Variants in SNCB observed in about 807,000 individuals in gnomAD.
The protein encoded by SNCB is beta-synuclein.
In SNCB, 8 loss-of-function variants were observed where a neutral mutation model predicts 20.0. The observed-to-expected ratio is 0.40, with a 90% CI of 0.24 to 0.72. The LOEUF is 0.72. Among genes scored for constraint, SNCB ranks in the 30% least tolerant of loss-of-function variants. The pLI, the probability that SNCB is intolerant of heterozygous loss-of-function variation, is 0.37. For synonymous variants in SNCB, 56 were observed against 65.4 expected (o/e 0.86, Z 0.69); for missense variants, 125 against 168.0 (o/e 0.74, Z 1.41).
rs1157487118 is a variant in SNCB at position 176,629,510 on chromosome 5, C to A, written c.121+24G>T. ...TCGGGGGACCCCCAGCCCTGCAGCC[C>A]CAGAAACCCCGCCCCTTACCCACCG... On this transcript the variant is annotated intron_variant, in intron 2 of 5. Transcript: ENST00000393693. This position sits in a 1 kb window ranked among gnomAD's most constrained non-coding sequence, Gnocchi z 4.1. 6.2e-7 allele frequency: 1 copy of A among 1,611,360 alleles called. No homozygotes were observed. Among genetic ancestry groups the A allele is most frequent in the South Asian group, 1.1e-5 (1 of 90,766 alleles).
chr5:176,621,865 G>A lies in SNCB; in HGVS notation c.283-562C>T, dbSNP rs989817668. On this transcript the variant is annotated intron_variant, in intron 4 of 5. Transcript: ENST00000393693. This position sits in a 1 kb window ranked among gnomAD's most constrained non-coding sequence, Gnocchi z 4.1. Reference sequence around the variant, plus strand: ...TGAGCTAAGACTCTCCCCCCCACCCGCTGCGTCTGCTGCCCAGACAGGCGC... The same window carrying A: ...TGAGCTAAGACTCTCCCCCCCACCCACTGCGTCTGCTGCCCAGACAGGCGC... Among the ~76,000 whole-genome samples, 3 of 152,010 alleles carry A rather than the reference G, an allele frequency of 2.0e-5. No homozygotes were observed. The highest frequency in any genetic ancestry group is 7.2e-5 in the African/African-American group (3 of 41,432).
chr5:176,622,167 G>T (rs1759643513), intron 4 of SNCB, among the ~76,000 whole-genome samples: 1 of 152,220 alleles, frequency 6.6e-6, no homozygotes, highest in Admixed American at 6.5e-5. Context: ...CACATTACCT[G>T]TCTAAGTGGG....
In SNCB at chr5:176,626,652, C is replaced by T. The variant is rs553224124; in HGVS notation, c.163+68G>A. 7.9e-5 allele frequency: 126 copies of T among 1,585,244 alleles called. No individual in the cohort carries two copies. In the African/African-American group the frequency reaches 1.3e-3, roughly 17 times the overall value. On this transcript the variant is annotated intron_variant, in intron 3 of 5. Transcript: ENST00000393693. The surrounding 1 kb of genome is among the most constrained non-coding windows in gnomAD (Gnocchi z 4.2). ...GCCTTGGGAGTCTCCCCCGCCCCCG[C>T]CCTCTGGTTCCCGGCCAGATCATCC...
At chr5:176,622,680 G>A (rs2113380680) in intron 4 of SNCB, among the ~76,000 whole-genome samples, 1 of 150,258 alleles carries the variant, frequency 6.7e-6, no homozygotes, top group South Asian at 2.1e-4. Flanking sequence ...CAAGCTTCCT[G>A]ATGAATGGAG....
Position 176,629,575 on chromosome 5 carries a change from G to T in SNCB, c.80C>A (p.Thr27Asn). Residue 27 changes from threonine (T) to asparagine (N), a missense_variant, in exon 2 of 6, where the codon ACC becomes AAC. Physicochemically the swap from Thr to Asn is moderately conservative, Grantham distance 65. Transcript: ENST00000393693. This position sits in a 1 kb window ranked among gnomAD's most constrained non-coding sequence, Gnocchi z 4.1. ...CTCCTTGGTCTTCTCCGCCGCCTCG[G>T]TGACCCCCTGCTTGGTTTTCTCCGC... Reference protein sequence around the residue: ...AAAEKTKQGVTEAAEKTKEGV... With the variant: ...AAAEKTKQGVNEAAEKTKEGV... 1 of 1,613,540 alleles carries T rather than the reference G, an allele frequency of 6.2e-7. No homozygotes were observed. Among genetic ancestry groups the T allele is most frequent in the Non-Finnish European group, 8.5e-7 (1 of 1,179,784 alleles).
Position 176,620,794 on chromosome 5 carries a change from G to A in SNCB, c.*17C>T. 3 of 1,608,448 alleles carry A rather than the reference G, an allele frequency of 1.9e-6. No homozygotes were observed. Among genetic ancestry groups the A allele is most frequent in the Non-Finnish European group, 2.6e-6 (3 of 1,174,814 alleles). On this transcript the variant is annotated 3_prime_UTR_variant, in exon 6 of 6. Coordinates refer to ENST00000393693, the MANE Select transcript of SNCB (RefSeq NM_003085.5). This position sits in a 1 kb window ranked among gnomAD's most constrained non-coding sequence, Gnocchi z 4.5. ...CAGGGACAGAATTGTGCTGCTGGTG[G>A]GGGCTCTCCTGGGCCCCTACGCCTC...
In SNCB at chr5:176,620,485, G is replaced by A. The variant is rs1759509588; in HGVS notation, c.*326C>T. On this transcript the variant is annotated 3_prime_UTR_variant, in exon 6 of 6. Coordinates refer to ENST00000393693, the MANE Select transcript of SNCB (RefSeq NM_003085.5). The surrounding 1 kb of genome is among the most constrained non-coding windows in gnomAD (Gnocchi z 4.5). ...GCTTGGAGAGCCACTGTCGGGGATC[G>A]GGGAGGAGCCGTCGCTCGGATCTTC... The A allele has an allele frequency of 2.6e-6, 1 of 383,914 alleles. No homozygotes were observed. Among genetic ancestry groups the A allele is most frequent in the South Asian group, 5.3e-5 (1 of 18,706 alleles). The allele number at this position is 383,914 out of a possible 1,614,324, so 23.8% of individuals were successfully genotyped here.
chr5:176,629,629 G>C lies in SNCB; in HGVS notation c.26C>G (p.Ser9Cys), dbSNP rs1760218137. Reference sequence around the variant, plus strand: ...TGCCACAACGCCCTCCTTGGCCATGGACAGGCCCTTCATGAACACGTCCAT... The same window carrying C: ...TGCCACAACGCCCTCCTTGGCCATGCACAGGCCCTTCATGAACACGTCCAT... MDVFMKGL[S>C]MAKEGVVAAA... is the part of the protein sequence containing the mutation. The change falls in exon 2 of 6, where the codon TCC (serine) becomes TGC (cysteine). Residue 9 changes from serine to cysteine, a missense_variant. Transcript: ENST00000393693. This position sits in a 1 kb window ranked among gnomAD's most constrained non-coding sequence, Gnocchi z 4.1. The C allele has an allele frequency of 6.2e-7, 1 of 1,613,724 alleles. No homozygotes were observed. The highest frequency in any genetic ancestry group is 1.3e-5 in the African/African-American group (1 of 74,920).
chr5:176,629,763 C>A lies in SNCB; in HGVS notation c.-9-100G>T. On this transcript the variant is annotated intron_variant, in intron 1 of 5. Coordinates refer to ENST00000393693, the MANE Select transcript of SNCB (RefSeq NM_003085.5). This position sits in a 1 kb window ranked among gnomAD's most constrained non-coding sequence, Gnocchi z 4.1. Reference sequence around the variant, plus strand: ...TGCCCCCCTACTCCCGAGACCGCGGCGCCCTTCTGGACCCTGAGCCCCCTC... The same window carrying A: ...TGCCCCCCTACTCCCGAGACCGCGGAGCCCTTCTGGACCCTGAGCCCCCTC... The A allele has an allele frequency of 1.4e-6, 2 of 1,470,720 alleles. No individual in the cohort carries two copies. The highest frequency in any genetic ancestry group is 1.8e-6 in the Non-Finnish European group (2 of 1,095,770). The allele number at this position is 1,470,720 out of a possible 1,614,324, so 91.1% of individuals were successfully genotyped here.
rs1199674018 is a variant in SNCB, at chr5:176,629,503, T to C, written c.121+31A>G. On this transcript the variant is annotated intron_variant, in intron 2 of 5. Coordinates refer to ENST00000393693, the MANE Select transcript of SNCB (RefSeq NM_003085.5). The surrounding 1 kb of genome is among the most constrained non-coding windows in gnomAD (Gnocchi z 4.1). ...CACACTGTCGGGGGACCCCCAGCCC[T>C]GCAGCCCCAGAAACCCCGCCCCTTA... is the stretch of plus-strand genomic sequence containing the variant. 1 of 1,595,982 alleles carries C rather than the reference T, an allele frequency of 6.3e-7. No individual in the cohort carries two copies. The highest frequency in any genetic ancestry group is 1.4e-5 in the African/African-American group (1 of 73,612).
At position 176,629,423 on chromosome 5, in the gene SNCB, G is replaced by T. The variant is rs1257967236; in HGVS notation, c.121+111C>A. 1.7e-6 allele frequency: 2 copies of T among 1,202,710 alleles called. No homozygotes were observed. Among genetic ancestry groups the T allele is most frequent in the South Asian group, 1.4e-5 (1 of 71,292 alleles). 74.5% of individuals were successfully genotyped at this position (1,202,710 alleles called of 1,614,324 possible). On this transcript the variant is annotated intron_variant, in intron 2 of 5. Transcript: ENST00000393693. This position sits in a 1 kb window ranked among gnomAD's most constrained non-coding sequence, Gnocchi z 4.1. ...GACCCCTGCTGACCTCGCCCCATCT[G>T]CTGACTCATATTCTCCTGCCCAGAA...
chr5:176,625,703 T>G (rs1759897844), intron 4 of SNCB, among the ~76,000 whole-genome samples: 1 of 152,118 alleles, frequency 6.6e-6, no homozygotes, highest in Non-Finnish European at 1.5e-5. Context: ...ACTGCACAGA[T>G]CACACCCACC....
intron 4 of SNCB, among the ~76,000 whole-genome samples, chr5:176,623,544 T>G (rs892685311): frequency 6.6e-6 from 1 of 152,066 alleles, no homozygotes; most frequent in Non-Finnish European, 1.5e-5. Context: ...CCCAGACACC[T>G]CTTTTGTCTC....
At chr5:176,623,841 AAAAC>A (rs1351351497) in intron 4 of SNCB, among the ~76,000 whole-genome samples, 1 of 152,176 alleles carries the variant, frequency 6.6e-6, no homozygotes, top group Non-Finnish European at 1.5e-5. Context: ...CCCATCTCAG[AAAAC>A]AAACAAACAA....
At position 176,630,473 on chromosome 5, in the gene SNCB, C is replaced by A; in HGVS notation, c.-203G>T. The A allele has an allele frequency of 6.5e-6, 1 of 153,292 alleles. No individual in the cohort carries two copies. The highest frequency in any genetic ancestry group is 1.9e-4 in the South Asian group (1 of 5,242). The allele number at this position is 153,292 out of a possible 1,614,324, so 9.5% of individuals were successfully genotyped here. On this transcript the variant is annotated 5_prime_UTR_variant, in exon 1 of 6. In the 5' UTR this introduces an upstream ATG that the reference lacks. Coordinates refer to ENST00000393693, the MANE Select transcript of SNCB (RefSeq NM_003085.5). ...GTGCGTAGCCAGCCACCGCTCGTTC[C>A]TCGCGCCCTGCGAGCTCGCGCGCTC...
At position 176,626,339 on chromosome 5, in the gene SNCB, T is replaced by G. The variant is rs1581172362; in HGVS notation, c.282+59A>C. On this transcript the variant is annotated intron_variant, in intron 4 of 5. Coordinates refer to ENST00000393693, the MANE Select transcript of SNCB (RefSeq NM_003085.5). This position sits in a 1 kb window ranked among gnomAD's most constrained non-coding sequence, Gnocchi z 4.2. Reference sequence around the variant, plus strand: ...GACAGGTTTATTTGTGTGCCTGGTGTGTGTGTGTGTGTGTGTGTGTGTGTT... The same window carrying G: ...GACAGGTTTATTTGTGTGCCTGGTGGGTGTGTGTGTGTGTGTGTGTGTGTT... 2 of 92,550 alleles carry G rather than the reference T, an allele frequency of 2.2e-5. No homozygotes were observed. Among genetic ancestry groups the G allele is most frequent in the Non-Finnish European group, 5.7e-5 (2 of 35,228 alleles). The allele number at this position is 92,550 out of a possible 1,614,324, so 5.7% of individuals were successfully genotyped here. A position where few individuals can be genotyped will look rare whatever the true frequency, so the allele number is the denominator to read the frequency against.
chr5:176,621,871 T>C lies in SNCB; in HGVS notation c.283-568A>G, dbSNP rs1759625661. Among the ~76,000 whole-genome samples the C allele has an allele frequency of 6.6e-6, 1 of 152,216 alleles. No homozygotes were observed. Among genetic ancestry groups the C allele is most frequent in the African/African-American group, 2.4e-5 (1 of 41,462 alleles). On this transcript the variant is annotated intron_variant, in intron 4 of 5. Transcript: ENST00000393693. The surrounding 1 kb of genome is among the most constrained non-coding windows in gnomAD (Gnocchi z 4.1). ...AAGACTCTCCCCCCCACCCGCTGCG[T>C]CTGCTGCCCAGACAGGCGCAGACCA... is the stretch of plus-strand genomic sequence containing the variant.
Position 176,620,626 on chromosome 5 carries a change from G to C in SNCB, c.*185C>G. 4.8e-6 allele frequency: 3 copies of C among 626,472 alleles called. No homozygotes were observed. The South Asian group carries it at 5.6e-5, about 12-fold the overall frequency. 38.8% of individuals were successfully genotyped at this position (626,472 alleles called of 1,614,324 possible). A position where few individuals can be genotyped will look rare whatever the true frequency, so the allele number is the denominator to read the frequency against. On this transcript the variant is annotated 3_prime_UTR_variant, in exon 6 of 6. Transcript: ENST00000393693. This position sits in a 1 kb window ranked among gnomAD's most constrained non-coding sequence, Gnocchi z 4.5. ...AACCCTGGCCCTGTCCATGCCCCGG[G>C]GTTGGACGCGGGCGGGTAGGACAGA...
chr5:176,627,129 A>G (rs1181573460), intron 2 of SNCB, among the ~76,000 whole-genome samples: 1 of 152,136 alleles, frequency 6.6e-6, no homozygotes, highest in Admixed American at 6.5e-5. Flanking sequence ...TGTGGGTTCC[A>G]CCACTAGGAA....
Sources: gnomAD v4.1 joint callset for allele counts (sites outside exome capture counted in the v4.1 genomes callset) on GRCh38, gnomAD v4.1.1 for gene constraint, Gnocchi (gnomAD v3.1) non-coding constraint, MANE v1.5 for transcripts, NCBI Gene and HGNC (gene_info 2026-07-23, HGNC 2026-07-21) for gene names.